The following RPL6 variants were observed in gnomAD, a reference collection of about 807,000 sequenced individuals.
RPL6 encodes the protein ribosomal protein L6, also known as large ribosomal subunit protein eL6.
Under a neutral mutation model 32.1 loss-of-function variants are expected in RPL6, and 1 was observed. That is an observed-to-expected ratio of 0.03 (90% confidence interval 0.01 to 0.15). The LOEUF (loss-of-function observed/expected upper bound fraction) is 0.15, where lower values mean the gene tolerates loss of function less well. Among genes scored for constraint, RPL6 ranks in the 10% least tolerant of loss-of-function variants. The pLI is 1.00. For synonymous variants in RPL6, 126 were observed against 131.6 expected (o/e 0.96, Z 0.29); for missense variants, 275 against 354.6 (o/e 0.78, Z 1.80).
At position 112,408,481 on chromosome 12, in the gene RPL6, C is replaced by A. The variant is rs1278348428; in HGVS notation, c.176G>T (p.Arg59Leu). ...VLVRGIGRYS[R>L]SAMYSRKAMY... ...GGCCTTTCTGGAATACATGGCAGAT[C>A]GGGAATACCTGCCAATTCCTCTGAC... The change falls in exon 2 of 7, where the codon CGA becomes CTA. Residue 59 changes from arginine to leucine, a missense_variant. Coordinates refer to ENST00000202773, the MANE Select transcript of RPL6 (RefSeq NM_000970.6). 3.1e-6 allele frequency: 5 copies of A among 1,613,950 alleles called. No individual in the cohort carries two copies. Among genetic ancestry groups the A allele is most frequent in the African/African-American group, 1.3e-5 (1 of 74,912 alleles).
intron 4 of RPL6, 151 bp from the exon 5 acceptor site, chr12:112,406,493 C>T (rs1475552725): frequency 1.3e-6 from 1 of 799,398 alleles, no homozygotes; most frequent in African/African-American, 1.7e-5. Context: ...CAGCAAGCTA[C>T]TAAGGTAGTA....
chr12:112,413,352 C>T (rs139158790), upstream of RPL6, among the ~76,000 whole-genome samples: 2,701 of 152,052 alleles, frequency 0.018, 94 homozygotes, highest in African/African-American at 0.06. Flanking sequence ...CTGGCTAACA[C>T]GGCGAAACCC....
chr12:112,407,158 G>A, intron 3 of RPL6: 1 of 353,636 alleles, frequency 2.8e-6, no homozygotes. Context: ...GCAATCTTGA[G>A]CAAAAACTAA....
upstream of RPL6, among the ~76,000 whole-genome samples, chr12:112,410,008 G>GAAAAAAAAAA (rs367708899): frequency 2.7e-5 from 2 of 74,490 alleles, no homozygotes; most frequent in Non-Finnish European, 3.0e-5. Flanking sequence ...TCTCAAAAAA[G>GAAAAAAAAAA]AAAAAAAAAA....
chr12:112,414,367 G>A (rs1416520760), upstream of RPL6, among the ~76,000 whole-genome samples: 2 of 152,248 alleles, frequency 1.3e-5, no homozygotes, highest in Non-Finnish European at 2.9e-5. Flanking sequence ...TAGCTGCAGA[G>A]TGTGCAGAAT....
chr12:112,413,096 G>A (rs1257072429), upstream of RPL6, among the ~76,000 whole-genome samples: 1 of 152,156 alleles, frequency 6.6e-6, no homozygotes, highest in East Asian at 1.9e-4. Flanking sequence ...TATGGAGTAC[G>A]TATGCATCAA....
upstream of RPL6, among the ~76,000 whole-genome samples, chr12:112,415,217 G>A (rs1458955519): frequency 6.6e-6 from 1 of 151,044 alleles, no homozygotes; most frequent in African/African-American, 2.4e-5. Context: ...CAGCATGGCT[G>A]GGTCATAGAG....
upstream of RPL6, among the ~76,000 whole-genome samples, chr12:112,411,919 G>A (rs909625931): frequency 4.0e-5 from 6 of 149,326 alleles, no homozygotes; most frequent in African/African-American, 1.2e-4. Context: ...TTGCTCTGTC[G>A]CCCAGGCTGG....
chr12:112,415,014 G>A (rs1594115306), upstream of RPL6, among the ~76,000 whole-genome samples: 1 of 152,292 alleles, frequency 6.6e-6, no homozygotes, highest in Middle Eastern at 3.4e-3. Flanking sequence ...AGGTGTCTTG[G>A]TGACCATCTG....
chr12:112,411,753 G>A (rs1401722721), upstream of RPL6, among the ~76,000 whole-genome samples: 1 of 152,170 alleles, frequency 6.6e-6, no homozygotes, highest in African/African-American at 2.4e-5. Flanking sequence ...CAATTCATTA[G>A]TTGGGCAAAA....
At chr12:112,417,416 T>C (rs2037427449) in intron 1 of RPL6, among the ~76,000 whole-genome samples, 1 of 151,910 alleles carries the variant, frequency 6.6e-6, no homozygotes, top group South Asian at 2.1e-4. Flanking sequence ...TCTACTCTTC[T>C]CAATCTGGTC....
upstream of RPL6, among the ~76,000 whole-genome samples, chr12:112,413,463 G>A (rs1018619777): frequency 7.2e-5 from 11 of 152,072 alleles, no homozygotes; most frequent in East Asian, 1.9e-4. Context: ...GTGTGAACCC[G>A]GAAGGCAGAG....
upstream of RPL6, chr12:112,410,554 C>CTTGTTTTTT (rs2037325804): frequency 2.8e-5 from 1 of 36,224 alleles, no homozygotes; most frequent in South Asian, 1.1e-3. Context: ...AGTGTTAGCT[C>CTTGTTTTTT]TTTTTTTTTT....
At chr12:112,409,624 C>T, upstream of RPL6, 1 of 397,580 alleles carries the variant, frequency 2.5e-6, no homozygotes, top group Non-Finnish European at 4.4e-6. Flanking sequence ...TCCCGGCTTC[C>T]GGTCTATAAG....
intron 4 of RPL6, 62 bp downstream of exon 4, chr12:112,406,685 C>A: frequency 6.3e-7 from 1 of 1,597,328 alleles, no homozygotes; most frequent in East Asian, 2.2e-5. Flanking sequence ...AGCGTGCAAA[C>A]GCATTGCCAC....
chr12:112,411,461 T>C (rs536216626), upstream of RPL6: 1 of 152,244 alleles, frequency 6.6e-6, no homozygotes, highest in African/African-American at 2.4e-5. Context: ...ACAAATACAA[T>C]GATCAGATGA....
chr12:112,416,312 T>C (rs1053535225), intron 1 of RPL6, among the ~76,000 whole-genome samples: 7 of 152,020 alleles, frequency 4.6e-5, no homozygotes, highest in African/African-American at 1.7e-4. Context: ...GCTAATCTTT[T>C]GTATTTTTAG....
upstream of RPL6, chr12:112,409,628 C>T: frequency 2.5e-6 from 1 of 397,478 alleles, no homozygotes; most frequent in East Asian, 3.6e-5. Flanking sequence ...GGCTTCCGGT[C>T]TATAAGCAAT....
intron 1 of RPL6, among the ~76,000 whole-genome samples, chr12:112,417,560 CTT>C (rs1209085428): frequency 1.3e-4 from 10 of 75,074 alleles, no homozygotes; most frequent in South Asian, 4.5e-4. Flanking sequence ...CCCGGCCCGG[CTT>C]TTTTTTTTTT....
Sources: allele counts gnomAD v4.1 joint callset (sites outside exome capture counted in the v4.1 genomes callset), GRCh38; gene constraint gnomAD v4.1.1; transcripts MANE v1.5; gene names NCBI Gene and HGNC (gene_info 2026-07-23, HGNC 2026-07-21).